HLCS: variants seen among roughly 807,000 people sequenced by gnomAD.
HLCS encodes holocarboxylase synthetase.
Under a neutral mutation model 75.0 loss-of-function variants are expected in HLCS, and 53 were observed. That is an observed-to-expected ratio of 0.71 (90% CI 0.57 to 0.89). The LOEUF is 0.89. HLCS is among the 40% of genes least tolerant of loss of function. The pLI, the probability that HLCS is intolerant of heterozygous loss-of-function variation, is 0.00. For synonymous variants in HLCS, 431 were observed against 428.6 expected (o/e 1.01, Z -0.07); for missense variants, 966 against 1,074.0 (o/e 0.90, Z 1.41).
chr21:36,810,657 A>C (rs367699321), intron 6 of HLCS, among the ~76,000 whole-genome samples: 1 of 152,218 alleles, frequency 6.6e-6, no homozygotes, highest in Non-Finnish European at 1.5e-5. Context: ...TGGAGGTGGG[A>C]GGATCTGTCT....
At chr21:36,966,110 T>C (rs913172753) in intron 1 of HLCS, among the ~76,000 whole-genome samples, 1 of 151,838 alleles carries the variant, frequency 6.6e-6, no homozygotes, top group African/African-American at 2.4e-5. Flanking sequence ...CGGCTCGAAG[T>C]GTGGGAGAGG....
At chr21:36,807,049 TG>T (rs2061382413) in intron 6 of HLCS, among the ~76,000 whole-genome samples, 1 of 152,122 alleles carries the variant, frequency 6.6e-6, no homozygotes, top group Non-Finnish European at 1.5e-5. Flanking sequence ...CCCTCAGAGC[TG>T]GGGGTAGGGA....
chr21:36,827,390 G>A (rs1480854886), intron 6 of HLCS, among the ~76,000 whole-genome samples: 1 of 151,802 alleles, frequency 6.6e-6, no homozygotes, highest in Non-Finnish European at 1.5e-5. Context: ...CCAACATGGT[G>A]AAACCCCGTC....
chr21:36,876,487 TCC>T (rs34963503), intron 6 of HLCS, among the ~76,000 whole-genome samples: 1 of 152,214 alleles, frequency 6.6e-6, no homozygotes, highest in East Asian at 1.9e-4. Context: ...GTTCGTACTT[TCC>T]CTTGTGATTT....
At chr21:36,889,328 T>A (rs2064673678) in intron 6 of HLCS, among the ~76,000 whole-genome samples, 1 of 152,222 alleles carries the variant, frequency 6.6e-6, no homozygotes, top group Non-Finnish European at 1.5e-5. Flanking sequence ...GCCCATCTGC[T>A]CACCACACAC....
chr21:36,840,333 T>C (rs1407098891), intron 6 of HLCS, among the ~76,000 whole-genome samples: 2 of 152,208 alleles, frequency 1.3e-5, no homozygotes, highest in Non-Finnish European at 1.5e-5. Flanking sequence ...ACCTTTAGTG[T>C]TGAAGTACTG....
intron 6 of HLCS, among the ~76,000 whole-genome samples, chr21:36,778,387 C>T (rs561945117): frequency 6.6e-6 from 1 of 152,284 alleles, no homozygotes; most frequent in East Asian, 1.9e-4. Context: ...TCAGGCGATT[C>T]TCCTGCCACA....
chr21:36,807,536 C>T lies in HLCS; in HGVS notation c.1893-40251G>A, dbSNP rs138691872. On this transcript the variant is annotated intron_variant, in intron 6 of 10. Transcript: ENST00000674895. ...TAATAACTCATCCTTTCTGATGATC[C>T]GCCCACTGCCTGGTGTGGCTGCTGC... 8.7e-4 allele frequency among the ~76,000 whole-genome samples: 133 copies of T among 152,282 alleles called. 1 individual carries two copies. Among genetic ancestry groups the T allele is most frequent in the African/African-American group, 3.1e-3 (127 of 41,562 alleles).
At chr21:36,949,464 T>A (rs76204744) in intron 2 of HLCS, among the ~76,000 whole-genome samples, 5,941 of 152,312 alleles carry the variant, frequency 0.039, 175 homozygotes, top group Non-Finnish European at 0.057. Flanking sequence ...GACTCCCAGA[T>A]GGCATGTTCC....
In HLCS at chr21:36,870,459, CT is replaced by C. The variant is rs34750859; in HGVS notation, c.1892+26400del. On this transcript the variant is annotated intron_variant, in intron 6 of 10. Coordinates refer to ENST00000674895, the MANE Select transcript of HLCS (RefSeq NM_001352514.2). ...TATGAGCATATTTCCCCCACCATTTCTTAAAGTATCTTCCCATATAATTATT... is the reference window on the plus strand; with the variant it reads ...TATGAGCATATTTCCCCCACCATTTCTAAAGTATCTTCCCATATAATTATT... Among the ~76,000 whole-genome samples the C allele has an allele frequency of 3.9e-4, 60 of 152,266 alleles. No individual in the cohort carries two copies. The Middle Eastern group carries it at 0.01, about 26-fold the overall frequency.
chr21:36,756,308 G>A (rs1159181284), intron 10 of HLCS, among the ~76,000 whole-genome samples: 1 of 151,854 alleles, frequency 6.6e-6, no homozygotes, highest in Non-Finnish European at 1.5e-5. Flanking sequence ...TGTGGCGGCG[G>A]GCACCTGTAG....
In HLCS at chr21:36,754,368, C is replaced by T. The variant is rs145648338; in HGVS notation, c.2500G>A (p.Val834Ile). 2.8e-5 allele frequency: 45 copies of T among 1,613,780 alleles called. No individual in the cohort carries two copies. The Admixed American group carries it at 2.8e-4, about 10-fold the overall frequency. Residue 834 changes from valine (V) to isoleucine (I), a missense_variant, in exon 11 of 11, where the codon GTT becomes ATT. Physicochemically the swap from Val to Ile is conservative, Grantham distance 29. Transcript: ENST00000674895. ...GSAEGPKVSI[V>I]GLDDSGFLQV... is the part of the protein sequence containing the mutation. ...AGGAAGCCAGAATCGTCCAGGCCAA[C>T]GATGGACACCTTTGGTCCCTCTGCG...
At chr21:36,846,138 T>A (rs184200006) in intron 6 of HLCS, among the ~76,000 whole-genome samples, 1 of 152,194 alleles carries the variant, frequency 6.6e-6, no homozygotes, top group African/African-American at 2.4e-5. Context: ...AAGTGATACA[T>A]AGTAGACACT....
At position 36,937,076 on chromosome 21, in the gene HLCS, C is replaced by A; in HGVS notation, c.810G>T (p.Ala270=). The change falls in exon 4 of 11, where the codon GCG becomes GCT. Residue 270 remains alanine (A), a synonymous_variant. Transcript: ENST00000674895. ...GAAGGTCTGGAATGTTCTCGGCAGA[C>A]GCAAACTTGACTGACTCAATGGTGC... is the stretch of plus-strand genomic sequence containing the variant. ...ENSTIESVKF[A]SAENIPDLPY... The A allele has an allele frequency of 1.2e-6, 2 of 1,614,150 alleles. No homozygotes were observed. The highest frequency in any genetic ancestry group is 1.7e-6 in the Non-Finnish European group (2 of 1,180,024).
chr21:36,854,737 G>A (rs1416683137), intron 6 of HLCS, among the ~76,000 whole-genome samples: 2 of 152,148 alleles, frequency 1.3e-5, no homozygotes, highest in African/African-American at 2.4e-5. Context: ...AAGGATTCAC[G>A]ATGTCTTGCA....
chr21:36,785,784 A>G (rs2060668749), intron 6 of HLCS, among the ~76,000 whole-genome samples: 1 of 152,166 alleles, frequency 6.6e-6, no homozygotes. Context: ...AAATGCTCTT[A>G]GGTTTCCCCA....
intron 6 of HLCS, among the ~76,000 whole-genome samples, chr21:36,799,014 A>G (rs1292404015): frequency 2.6e-5 from 4 of 152,216 alleles, no homozygotes; most frequent in Non-Finnish European, 5.9e-5. Context: ...TATAAAAAAA[A>G]GAAGTTTTTT....
chr21:36,758,753 C>T (rs561093091), intron 9 of HLCS, among the ~76,000 whole-genome samples: 172 of 152,148 alleles, frequency 1.1e-3, no homozygotes, highest in African/African-American at 3.8e-3. Context: ...GAGGCCGAGG[C>T]GGGCGGATCA....
rs1053162614 is a variant in HLCS, at chr21:36,756,642, T to C, written c.2350A>G (p.Ile784Val). 1 of 1,590,100 alleles carries C rather than the reference T, an allele frequency of 6.3e-7. No individual in the cohort carries two copies. Among genetic ancestry groups the C allele is most frequent in the East Asian group, 2.3e-5 (1 of 44,420 alleles). The change falls in exon 10 of 11, where the codon ATC becomes GTC. Residue 784 changes from isoleucine to valine, a missense_variant. Coordinates refer to ENST00000674895, the MANE Select transcript of HLCS (RefSeq NM_001352514.2). ...TCCAGCACAGTCACGACTCTGGCGA[T>C]GAGATAATCGGCTCTTAAGGGCTTC... is the stretch of plus-strand genomic sequence containing the variant. ...ELKPLRADYL[I>V]ARVVTVLEKL... is the part of the protein sequence containing the mutation.
Sources: allele counts gnomAD v4.1 joint callset (sites outside exome capture counted in the v4.1 genomes callset), GRCh38; gene constraint gnomAD v4.1.1; transcripts MANE v1.5; gene names NCBI Gene and HGNC (gene_info 2026-07-23, HGNC 2026-07-21).